DNAH2: variants seen among roughly 807,000 people sequenced by gnomAD.
The protein encoded by DNAH2 is axonemal beta dynein heavy chain 2.
In DNAH2, 323 loss-of-function variants were observed where a neutral mutation model predicts 523.5. That is an observed-to-expected ratio of 0.62 (90% CI 0.56 to 0.68). The LOEUF is 0.68. Ranked by LOEUF, DNAH2 falls within the 30% of genes least tolerant of loss-of-function variation. DNAH2 has a pLI of 0.00. For synonymous variants in DNAH2, 2,093 were observed against 2,177.4 expected, an observed-to-expected ratio of 0.96 and a Z score of 1.08; for missense variants, 4,907 against 5,701.5, an observed-to-expected ratio of 0.86 and a Z score of 4.49.
At position 7,780,423 on chromosome 17, in the gene DNAH2, G is replaced by T; in HGVS notation, c.5850+139G>T. ...CTATTGTCAGTAGGATGTGTGGGGA[G>T]AAAAATTTAGGGGAGGGAGGTGTCT... On this transcript the variant is annotated intron_variant, in intron 37 of 85. Coordinates refer to ENST00000572933, the MANE Select transcript of DNAH2 (RefSeq NM_020877.5). The surrounding 1 kb of genome is among the most constrained non-coding windows in gnomAD (Gnocchi z 4.4). 1 of 1,456,312 alleles carries T rather than the reference G, an allele frequency of 6.9e-7. No individual in the cohort carries two copies. Among genetic ancestry groups the T allele is most frequent in the Non-Finnish European group, 9.4e-7 (1 of 1,061,474 alleles). The allele number at this position is 1,456,312 out of a possible 1,614,324, so 90.2% of individuals were successfully genotyped here.
intron 39 of DNAH2, among the ~76,000 whole-genome samples, chr17:7,782,505 T>G (rs1438131420): frequency 6.6e-6 from 1 of 152,116 alleles, no homozygotes; most frequent in Non-Finnish European, 1.5e-5. Flanking sequence ...TCTGGAGGAA[T>G]GAAATTTCAA....
intron 8 of DNAH2, among the ~76,000 whole-genome samples, chr17:7,738,504 T>A (rs1211736443): frequency 6.6e-6 from 1 of 152,046 alleles, no homozygotes; most frequent in East Asian, 1.9e-4. Flanking sequence ...TAATTTTTTG[T>A]ATTTTTAGTA....
At chr17:7,801,350 A>T (rs78105807) in intron 56 of DNAH2, among the ~76,000 whole-genome samples, 3,798 of 152,276 alleles carry the variant, frequency 0.025, 155 homozygotes, top group African/African-American at 0.078. Context: ...TACTTGCTGG[A>T]GATCCACACC....
intron 35 of DNAH2, 50 bp downstream of exon 35, chr17:7,778,519 C>A: frequency 6.6e-7 from 1 of 1,520,076 alleles, no homozygotes; most frequent in East Asian, 2.3e-5. Flanking sequence ...ACCTTTTCGT[C>A]CCAGAAAATA....
intron 12 of DNAH2, among the ~76,000 whole-genome samples, chr17:7,752,983 G>A (rs1431455158): frequency 5.8e-4 from 88 of 152,218 alleles, no homozygotes; most frequent in Admixed American, 5.7e-3. Flanking sequence ...ACAATTGCCT[G>A]GAGCGTGGAG....
At chr17:7,720,418 A>G (rs2151111182) in intron 2 of DNAH2, among the ~76,000 whole-genome samples, 1 of 152,218 alleles carries the variant, frequency 6.6e-6, no homozygotes, top group East Asian at 1.9e-4. Flanking sequence ...TAGACTGCGG[A>G]GGTTCAGGTT....
At chr17:7,726,428 C>T (rs4968188) in intron 3 of DNAH2, among the ~76,000 whole-genome samples, 39,147 of 151,320 alleles carry the variant, frequency 0.26, 6,024 homozygotes, top group Non-Finnish European at 0.36. Flanking sequence ...CGCAGCTTCC[C>T]GAGTAGCTGG....
At chr17:7,829,024 A>AT (rs1359580711) in intron 77 of DNAH2, among the ~76,000 whole-genome samples, 3 of 140,946 alleles carry the variant, frequency 2.1e-5, no homozygotes, top group African/African-American at 8.0e-5. Flanking sequence ...ATCCATTATT[A>AT]TTATTATTTT....
At position 7,801,951 on chromosome 17, in the gene DNAH2, T is replaced by C; in HGVS notation, c.8906T>C (p.Leu2969Ser). 1 of 1,614,240 alleles carries C rather than the reference T, an allele frequency of 6.2e-7. No homozygotes were observed. Among genetic ancestry groups the C allele is most frequent in the African/African-American group, 1.3e-5 (1 of 75,056 alleles). The change falls in exon 58 of 86, where the codon TTG becomes TCG. Residue 2969 changes from leucine (L) to serine (S), a missense_variant. Physicochemically the swap from Leu to Ser is moderately radical, Grantham distance 145. Around this residue, in one of 3 missense-constraint regions of DNAH2, gnomAD observed 1,851 missense variants for 2,139.4 expected, o/e 0.87. Transcript: ENST00000572933. ...SVAQYSQKML[L>S]ELRRHNYVTP... Reference sequence around the variant, plus strand: ...GCTCAGTATTCCCAGAAGATGCTGTTGGAACTGCGGAGACACAACTATGTC... The same window carrying C: ...GCTCAGTATTCCCAGAAGATGCTGTCGGAACTGCGGAGACACAACTATGTC...
intron 21 of DNAH2, among the ~76,000 whole-genome samples, 185 bp downstream of exon 21, chr17:7,765,750 C>A (rs539243216): frequency 6.6e-6 from 1 of 151,448 alleles, no homozygotes; most frequent in African/African-American, 2.4e-5. Flanking sequence ...GGGTAGACAG[C>A]GGCGCAGCTC....
In DNAH2 at chr17:7,818,360, C is replaced by T. The variant is rs149807706; in HGVS notation, c.10436C>T (p.Thr3479Ile). The change falls in exon 69 of 86, where the codon ACC becomes ATC. Residue 3479 changes from threonine (T) to isoleucine (I), a missense_variant. Around this residue, in one of 3 missense-constraint regions of DNAH2, gnomAD observed 1,851 missense variants for 2,139.4 expected, o/e 0.87. Coordinates refer to ENST00000572933, the MANE Select transcript of DNAH2 (RefSeq NM_020877.5). Reference protein sequence around the residue: ...RIGDKEVEYNTNFRFYITTKL... With the variant: ...RIGDKEVEYNINFRFYITTKL... ...GGCGATAAGGAGGTGGAATATAATA[C>T]CAATTTCCGTTTCTACATCACCACC... 1.9e-6 allele frequency: 3 copies of T among 1,614,180 alleles called. No homozygotes were observed. The highest frequency in any genetic ancestry group is 2.5e-6 in the Non-Finnish European group (3 of 1,180,026).
chr17:7,759,062 C>T lies in DNAH2; in HGVS notation c.2386C>T (p.His796Tyr), dbSNP rs780248906. 34 of 1,614,042 alleles carry T rather than the reference C, an allele frequency of 2.1e-5. No individual in the cohort carries two copies. Among genetic ancestry groups the T allele is most frequent in the Non-Finnish European group, 2.5e-5 (29 of 1,180,046 alleles). The change falls in exon 15 of 86, where the codon CAC becomes TAC. Residue 796 changes from histidine to tyrosine, a missense_variant. His to Tyr is a moderately conservative substitution (Grantham distance 83, BLOSUM62 2). This residue lies in a region of DNAH2 where 2,806 missense variants were observed against 3,190.8 expected (regional missense o/e 0.88). Transcript: ENST00000572933. ...TGTACAGCAGAAATTGATGAACCTGCACCAGGATGTGGTGACCATCATGAC... is the reference window on the plus strand; with the variant it reads ...TGTACAGCAGAAATTGATGAACCTGTACCAGGATGTGGTGACCATCATGAC... ...AAVQQKLMNL[H>Y]QDVVTIMTNS... is the part of the protein sequence containing the mutation.
chr17:7,770,988 C>T (rs1030850231), intron 27 of DNAH2, 55 bp downstream of exon 27: 27 of 1,581,358 alleles, frequency 1.7e-5, no homozygotes, highest in Non-Finnish European at 2.3e-5. Flanking sequence ...CCTTCTTTTT[C>T]TTAAGACCTA....
intron 12 of DNAH2, among the ~76,000 whole-genome samples, chr17:7,750,949 TA>T (rs2075664882): frequency 6.6e-6 from 1 of 152,150 alleles, no homozygotes; most frequent in Non-Finnish European, 1.5e-5. Flanking sequence ...TAGAAAAGAC[TA>T]AAAAAATTCT....
rs576539636 is a variant in DNAH2, at chr17:7,833,271, A to G, written c.13129+50A>G. ...CTGCCTGCCCCGTCCCTAGTTTGGA[A>G]CTTAACCCATTCTCTGCTCCAGCCC... On this transcript the variant is annotated intron_variant, in intron 85 of 85. Transcript: ENST00000572933. 4.0e-5 allele frequency: 64 copies of G among 1,607,022 alleles called. No individual in the cohort carries two copies. In the South Asian group the frequency reaches 6.4e-4, roughly 16 times the overall value.
chr17:7,772,752 TTTTGTTTG>T (rs150502949), intron 28 of DNAH2, among the ~76,000 whole-genome samples: 35,940 of 150,942 alleles, frequency 0.24, 5,417 homozygotes, highest in Non-Finnish European at 0.34. Context: ...CACATTGGTT[TTTTGTTTG>T]TTTGTTTGTT....
intron 12 of DNAH2, among the ~76,000 whole-genome samples, chr17:7,749,031 G>A (rs1195506580): frequency 1.3e-5 from 2 of 151,442 alleles, no homozygotes; most frequent in Non-Finnish European, 2.9e-5. Flanking sequence ...TGCCTTGGCC[G>A]GATGCGGTGG....
chr17:7,809,426 A>T (rs2151307209), intron 63 of DNAH2, among the ~76,000 whole-genome samples: 1 of 152,224 alleles, frequency 6.6e-6, no homozygotes, highest in East Asian at 1.9e-4. Flanking sequence ...AGGTTGGGTG[A>T]ACGGGGCTTC....
At chr17:7,813,753 C>T (rs889203708) in intron 63 of DNAH2, among the ~76,000 whole-genome samples, 1 of 151,818 alleles carries the variant, frequency 6.6e-6, no homozygotes, top group Non-Finnish European at 1.5e-5. Flanking sequence ...ACTAGAAATA[C>T]AAAAATTAGC....
Sources: allele counts gnomAD v4.1 joint callset (sites outside exome capture counted in the v4.1 genomes callset), GRCh38; gene constraint gnomAD v4.1.1; regional missense constraint gnomAD v4.1.1; non-coding constraint Gnocchi (gnomAD v3.1); transcripts MANE v1.5; gene names NCBI Gene and HGNC (gene_info 2026-07-23, HGNC 2026-07-21).